FAM193A: variants seen among roughly 807,000 people sequenced by gnomAD.
The protein encoded by FAM193A is protein FAM193A.
Under a neutral mutation model 126.5 loss-of-function variants are expected in FAM193A, and 22 were observed. The observed-to-expected ratio is 0.17, with a 90% CI of 0.12 to 0.25. FAM193A has a LOEUF of 0.25. Ranked by LOEUF, FAM193A falls within the 10% of genes least tolerant of loss-of-function variation. FAM193A has a pLI of 1.00. For synonymous variants in FAM193A, 761 were observed against 646.8 expected (o/e 1.18, Z -2.68); for missense variants, 1,675 against 1,672.8 (o/e 1.00, Z -0.02).
At position 2,696,427 on chromosome 4, in the gene FAM193A, C is replaced by A. The variant is rs1375623985; in HGVS notation, c.3341C>A (p.Thr1114Asn). Residue 1114 changes from threonine (T) to asparagine (N), a missense_variant, in exon 18 of 21, where the codon ACC (threonine) becomes AAC (asparagine). Physicochemically the swap from Thr to Asn is moderately conservative, Grantham distance 65 (BLOSUM62 0). Coordinates refer to ENST00000637812, the MANE Select transcript of FAM193A (RefSeq NM_001366318.2). ...EMREKLRLRL[T>N]KRKEEQPKKM... ...AGGGAAAAGCTTCGCTTACGGCTGA[C>A]CAAGAGGAAAGAGGAGCAACCTAAA... 6.2e-7 allele frequency: 1 copy of A among 1,614,124 alleles called. No individual in the cohort carries two copies. The highest frequency in any genetic ancestry group is 1.3e-5 in the African/African-American group (1 of 75,026).
chr4:2,648,241 G>A (rs1265041938), intron 7 of FAM193A, among the ~76,000 whole-genome samples: 3 of 152,232 alleles, frequency 2.0e-5, no homozygotes, highest in East Asian at 3.9e-4. Flanking sequence ...TTCCAACTTC[G>A]TCACATGCGG....
chr4:2,617,183 T>TA (rs564369069), intron 2 of FAM193A, among the ~76,000 whole-genome samples: 2,015 of 78,504 alleles, frequency 0.026, 22 homozygotes, highest in Non-Finnish European at 0.033. Flanking sequence ...AAAAAAAAAT[T>TA]AAAAAAAAAA....
chr4:2,593,453 C>A (rs1476544106), intron 1 of FAM193A, among the ~76,000 whole-genome samples: 1 of 152,214 alleles, frequency 6.6e-6, no homozygotes. Context: ...TCACTGTCCA[C>A]CGGGTTAAAG....
rs373778662 is a variant in FAM193A at position 2,659,697 on chromosome 4, G to T, written c.1502+27G>T. 13 of 1,611,118 alleles carry T rather than the reference G, an allele frequency of 8.1e-6. No homozygotes were observed. The East Asian group carries it at 2.9e-4, about 36-fold the overall frequency. ...TAAGGCTGGGTTGTGGTGTCAGCACGACTGGCCCATTGGACCTTCACTGGG... is the reference window on the plus strand; with the variant it reads ...TAAGGCTGGGTTGTGGTGTCAGCACTACTGGCCCATTGGACCTTCACTGGG... On this transcript the variant is annotated intron_variant, in intron 9 of 20. Transcript: ENST00000637812.
intron 2 of FAM193A, among the ~76,000 whole-genome samples, chr4:2,619,225 G>A (rs545553064): frequency 1.5e-4 from 22 of 151,688 alleles, no homozygotes; most frequent in African/African-American, 5.3e-4. Context: ...TTGAACATAT[G>A]GAGTTTCTTT....
At chr4:2,613,789 CAG>C (rs1461490076) in intron 2 of FAM193A, among the ~76,000 whole-genome samples, 1 of 127,314 alleles carries the variant, frequency 7.9e-6, no homozygotes. Flanking sequence ...TTTTTTGAGA[CAG>C]AGTCTCGCTT....
chr4:2,703,687 G>A (rs993438428), intron 19 of FAM193A, among the ~76,000 whole-genome samples: 1 of 152,022 alleles, frequency 6.6e-6, no homozygotes, highest in Non-Finnish European at 1.5e-5. Context: ...GTGTGTTCCC[G>A]GTGTGGTGGC....
In FAM193A at chr4:2,554,322, A is replaced by G. The variant is rs574682737; in HGVS notation, c.255+17152A>G. On this transcript the variant is annotated intron_variant, in intron 1 of 20. Transcript: ENST00000637812. ...CTGGTCTTGAACTCCTGACCTCGTG[A>G]TCCACCCCGCTCAGCCTCCCAAAGT... Among the ~76,000 whole-genome samples, 7 of 152,046 alleles carry G rather than the reference A, an allele frequency of 4.6e-5. No homozygotes were observed. The East Asian group carries it at 1.4e-3, about 29-fold the overall frequency.
chr4:2,602,930 G>A (rs916584362), intron 2 of FAM193A, among the ~76,000 whole-genome samples: 1 of 145,450 alleles, frequency 6.9e-6, no homozygotes, highest in African/African-American at 2.6e-5. Context: ...AAAGTGCTGG[G>A]ATTACAAGTG....
chr4:2,542,019 T>A (rs992361904), intron 1 of FAM193A, among the ~76,000 whole-genome samples: 12 of 146,550 alleles, frequency 8.2e-5, no homozygotes, highest in African/African-American at 3.0e-4. Context: ...CCTGGCAAAT[T>A]TTTTTTTTTT....
intron 1 of FAM193A, among the ~76,000 whole-genome samples, chr4:2,573,914 TA>T (rs1739435010): frequency 6.6e-6 from 1 of 152,104 alleles, no homozygotes; most frequent in African/African-American, 2.4e-5. Context: ...AGACAAACAG[TA>T]CAAAGGCCTC....
At chr4:2,662,040 G>A (rs1478459027) in intron 10 of FAM193A, among the ~76,000 whole-genome samples, 2 of 151,980 alleles carry the variant, frequency 1.3e-5, no homozygotes, top group African/African-American at 2.4e-5. Context: ...AAAATCAGCC[G>A]GGCGTGGTGG....
intron 12 of FAM193A, among the ~76,000 whole-genome samples, chr4:2,669,074 T>C (rs1713487044): frequency 6.6e-6 from 1 of 151,846 alleles, no homozygotes; most frequent in Non-Finnish European, 1.5e-5. Flanking sequence ...AACTCCTGAC[T>C]TCAGGTGACC....
In FAM193A at chr4:2,576,889, T is replaced by G. The variant is rs145572368; in HGVS notation, c.256-19195T>G. On this transcript the variant is annotated intron_variant, in intron 1 of 20. Coordinates refer to ENST00000637812, the MANE Select transcript of FAM193A (RefSeq NM_001366318.2). Reference sequence around the variant, plus strand: ...GGGCTTAAGGGGCTCATGGAGATACTGTAGCAGATACAGAGGCAGCAGGAA... The same window carrying G: ...GGGCTTAAGGGGCTCATGGAGATACGGTAGCAGATACAGAGGCAGCAGGAA... Among the ~76,000 whole-genome samples, 221 of 152,352 alleles carry G rather than the reference T, an allele frequency of 1.5e-3. 1 individual carries two copies. Among genetic ancestry groups the G allele is most frequent in the African/African-American group, 5.2e-3 (215 of 41,588 alleles).
intron 1 of FAM193A, among the ~76,000 whole-genome samples, chr4:2,566,548 C>T (rs181916408): frequency 8.0e-4 from 121 of 151,982 alleles, no homozygotes; most frequent in African/African-American, 2.8e-3. Flanking sequence ...ATTAGCTGGA[C>T]GTGGTGGTGT....
Position 2,657,816 on chromosome 4 carries a change from C to A in FAM193A, c.1325C>A (p.Thr442Asn), listed in dbSNP as rs34435530. Reference protein sequence around the residue: ...AYVDEQMTMKTKQRMLTEDWE... With the variant: ...AYVDEQMTMKNKQRMLTEDWE... ...TCCCCTTACTAGATGACAATGAAAA[C>A]CAAGCAGCGCATGTTAACAGAAGAC... Residue 442 changes from threonine (T) to asparagine (N), a missense_variant, in exon 8 of 21, where the codon ACC becomes AAC. Physicochemically the swap from Thr to Asn is moderately conservative, Grantham distance 65. Transcript: ENST00000637812. 1,542 of 1,608,194 alleles carry A rather than the reference C, an allele frequency of 9.6e-4. 5 individuals are homozygous for A. The highest frequency in any genetic ancestry group is 8.1e-3 in the African/African-American group (602 of 74,448).
In FAM193A at chr4:2,650,000, C is replaced by T. The variant is rs148245992; in HGVS notation, c.1311+3168C>T. On this transcript the variant is annotated intron_variant, in intron 7 of 20. Coordinates refer to ENST00000637812, the MANE Select transcript of FAM193A (RefSeq NM_001366318.2). ...GCGTGTGCAAGGGATCTAGATTGTA[C>T]GCTCCTCATGAGAATCTAATGCCTG... Among the ~76,000 whole-genome samples, 643 of 152,310 alleles carry T rather than the reference C, an allele frequency of 4.2e-3. 4 individuals are homozygous for T. The highest frequency in any genetic ancestry group is 0.014 in the African/African-American group (599 of 41,570).
At chr4:2,622,584 A>G (rs1742623006) in intron 2 of FAM193A, among the ~76,000 whole-genome samples, 1 of 152,174 alleles carries the variant, frequency 6.6e-6, no homozygotes, top group African/African-American at 2.4e-5. Flanking sequence ...TGCTGCAACA[A>G]AATGCCATGG....
At chr4:2,723,400 C>G (rs1720373579) in intron 20 of FAM193A, among the ~76,000 whole-genome samples, 1 of 152,080 alleles carries the variant, frequency 6.6e-6, no homozygotes, top group African/African-American at 2.4e-5. Context: ...GATGTTGAAA[C>G]CCCCTCTCTA....
Sources: gnomAD v4.1 joint callset for allele counts (sites outside exome capture counted in the v4.1 genomes callset) on GRCh38, gnomAD v4.1.1 for gene constraint, MANE v1.5 for transcripts, NCBI Gene and HGNC (gene_info 2026-07-23, HGNC 2026-07-21) for gene names.